Variants in LPAR1 observed in about 807,000 individuals in gnomAD.
LPAR1 encodes lysophosphatidic acid receptor 1.
LPAR1 carries 5 observed loss-of-function variants against 23.8 expected under a neutral mutation model. The ratio of observed to expected loss-of-function variants is 0.21; its 90% CI spans 0.11 to 0.44. The LOEUF (loss-of-function observed/expected upper bound fraction) is 0.44, where lower values mean the gene tolerates loss of function less well. Among genes scored for constraint, LPAR1 ranks in the 20% least tolerant of loss-of-function variants. The probability of loss-of-function intolerance (pLI) is 0.99; values close to 1 mark genes in which losing one functional copy is unlikely to be tolerated. For missense variants in LPAR1, 311 were observed against 482.8 expected (o/e 0.64, Z 3.33); for synonymous variants, 160 against 164.7 (o/e 0.97, Z 0.22).
chr9:110,967,146 G>A (rs2096253451), intron 4 of LPAR1, among the ~76,000 whole-genome samples: 1 of 152,114 alleles, frequency 6.6e-6, no homozygotes, highest in Non-Finnish European at 1.5e-5. Context: ...TTATAAATCG[G>A]TTACAAACAC....
chr9:110,944,768 T>G (rs999557657), intron 4 of LPAR1, among the ~76,000 whole-genome samples: 4 of 152,258 alleles, frequency 2.6e-5, no homozygotes, highest in Admixed American at 2.6e-4. Context: ...CTATGCCATT[T>G]CTTTTCTCTC....
At chr9:110,878,954 T>C (rs2079907570) in intron 5 of LPAR1, among the ~76,000 whole-genome samples, 1 of 152,132 alleles carries the variant, frequency 6.6e-6, no homozygotes, top group Non-Finnish European at 1.5e-5. Flanking sequence ...AAGCAAATCA[T>C]TTTGGAGGTT....
At chr9:110,914,479 A>G (rs62573185) in intron 5 of LPAR1, among the ~76,000 whole-genome samples, 43,891 of 152,106 alleles carry the variant, frequency 0.29, 6,869 homozygotes, top group South Asian at 0.36. Context: ...ACCCACCCCC[A>G]TGATTCAATT....
At chr9:110,940,206 A>G (rs780796330) in intron 5 of LPAR1, among the ~76,000 whole-genome samples, 1 of 152,230 alleles carries the variant, frequency 6.6e-6, no homozygotes, top group Non-Finnish European at 1.5e-5. Context: ...CAAGAGGGTC[A>G]ACAATGAGTA....
chr9:110,934,153 G>A (rs1279932524), intron 5 of LPAR1, among the ~76,000 whole-genome samples: 2 of 152,156 alleles, frequency 1.3e-5, no homozygotes, highest in Non-Finnish European at 2.9e-5. Context: ...AGGAGACATG[G>A]GGTAGCTTTA....
At chr9:110,953,998 AAAT>A (rs1336747267) in intron 4 of LPAR1, among the ~76,000 whole-genome samples, 11 of 152,136 alleles carry the variant, frequency 7.2e-5, no homozygotes, top group Admixed American at 1.3e-4. Flanking sequence ...AAAGAATTCA[AAAT>A]AATAATATTT....
Position 111,015,013 on chromosome 9 carries a change from T to C in LPAR1, c.-182+21109A>G, listed in dbSNP as rs181242633. ...GGGCCCTAATCCAATATGACTAGGG[T>C]CCTTATAAGAGGAAGAAAGTTGGAC... On this transcript the variant is annotated intron_variant, in intron 2 of 5. Transcript: ENST00000683809. Among the ~76,000 whole-genome samples, 1,301 of 151,864 alleles carry C rather than the reference T, an allele frequency of 8.6e-3. 11 individuals are homozygous for C. The highest frequency in any genetic ancestry group is 0.014 in the Middle Eastern group (4 of 294).
chr9:110,891,079 A>G (rs921903425), intron 5 of LPAR1, among the ~76,000 whole-genome samples: 5 of 152,220 alleles, frequency 3.3e-5, no homozygotes, highest in Admixed American at 2.0e-4. Flanking sequence ...TTAAGCTGGA[A>G]AAGAAAAAAG....
chr9:110,906,979 A>G (rs879521607), intron 5 of LPAR1, among the ~76,000 whole-genome samples: 5,679 of 152,248 alleles, frequency 0.037, 172 homozygotes, highest in Non-Finnish European at 0.047. Flanking sequence ...AACTTAAAAA[A>G]TCTAGAATTA....
At chr9:110,972,274 G>A in intron 3 of LPAR1, 54 bp from the exon 4 acceptor site, 2 of 649,918 alleles carry the variant, frequency 3.1e-6, no homozygotes, top group South Asian at 3.7e-5. Context: ...GCATATGGGT[G>A]TGAAGTACCA....
chr9:110,995,576 G>A (rs980459156), intron 2 of LPAR1, among the ~76,000 whole-genome samples: 3 of 152,152 alleles, frequency 2.0e-5, no homozygotes, highest in African/African-American at 7.2e-5. Context: ...TTGTACTAGA[G>A]GATGAATTAT....
At chr9:110,999,409 CTG>C (rs1211166919) in intron 2 of LPAR1, 1 of 456,038 alleles carries the variant, frequency 2.2e-6, no homozygotes, top group Non-Finnish European at 4.4e-6. Context: ...TTCCAGAACA[CTG>C]GAATGAGCAG....
intron 4 of LPAR1, among the ~76,000 whole-genome samples, chr9:110,963,324 T>C (rs1409734123): frequency 6.6e-6 from 1 of 152,216 alleles, no homozygotes; most frequent in Non-Finnish European, 1.5e-5. Context: ...GAATTTAAAT[T>C]GCAATATGGG....
Position 110,888,517 on chromosome 9 carries a change from A to C in LPAR1, c.794-12795T>G, listed in dbSNP as rs564308095. Among the ~76,000 whole-genome samples the C allele has an allele frequency of 2.0e-5, 3 of 152,172 alleles. No individual in the cohort carries two copies. The East Asian group carries it at 5.8e-4, about 29-fold the overall frequency. ...TTGTACTTATTTTATTAGACAATGT[A>C]ATTATTTCATTAGTTATGTGACTAG... On this transcript the variant is annotated intron_variant, in intron 5 of 5. Transcript: ENST00000683809.
intron 5 of LPAR1, among the ~76,000 whole-genome samples, chr9:110,923,202 A>G (rs2093760744): frequency 6.6e-6 from 1 of 152,230 alleles, no homozygotes; most frequent in Non-Finnish European, 1.5e-5. Flanking sequence ...TCAGCATGGC[A>G]ATATGATAAT....
intron 4 of LPAR1, among the ~76,000 whole-genome samples, chr9:110,961,635 A>AG (rs2095991755): frequency 1.3e-5 from 2 of 151,464 alleles, no homozygotes; most frequent in Admixed American, 6.6e-5. Context: ...AAAAAAAAAA[A>AG]AAAAAGAAAG....
chr9:110,895,230 C>G (rs867776068), intron 5 of LPAR1, among the ~76,000 whole-genome samples: 1 of 152,168 alleles, frequency 6.6e-6, no homozygotes, highest in Non-Finnish European at 1.5e-5. Context: ...AGAATGAAAT[C>G]CTTCTGGCTT....
intron 4 of LPAR1, among the ~76,000 whole-genome samples, chr9:110,964,679 A>AC (rs11399796): frequency 1 from 151,785 of 152,048 alleles, 75,761 homozygotes; most frequent in Middle Eastern, 1. Context: ...CTCAAAAAAA[A>AC]AACCCATTTA....
At chr9:110,960,333 G>A (rs1001883865) in intron 4 of LPAR1, among the ~76,000 whole-genome samples, 1 of 152,130 alleles carries the variant, frequency 6.6e-6, no homozygotes, top group African/African-American at 2.4e-5. Flanking sequence ...CAAATATTAT[G>A]TATCAATAAA....
Sources: allele counts gnomAD v4.1 joint callset (sites outside exome capture counted in the v4.1 genomes callset), GRCh38; gene constraint gnomAD v4.1.1; transcripts MANE v1.5; gene names NCBI Gene and HGNC (gene_info 2026-07-23, HGNC 2026-07-21).